The following FNDC3B variants were observed in gnomAD, a reference collection of about 807,000 sequenced individuals.
FNDC3B encodes fibronectin type III domain containing 3B.
Under a neutral mutation model 151.5 loss-of-function variants are expected in FNDC3B, and 12 were observed. The observed-to-expected ratio is 0.08, with a 90% CI of 0.05 to 0.13. The LOEUF is 0.13. Ranked by LOEUF, FNDC3B falls within the 10% of genes least tolerant of loss-of-function variation. FNDC3B has a pLI of 1.00. For missense variants in FNDC3B, 1,214 were observed against 1,505.3 expected (o/e 0.81, Z 3.20); for synonymous variants, 528 against 549.0 (o/e 0.96, Z 0.54).
chr3:172,337,023 G>A (rs1389482435), intron 15 of FNDC3B, among the ~76,000 whole-genome samples: 1 of 151,858 alleles, frequency 6.6e-6, no homozygotes, highest in African/African-American at 2.4e-5. Flanking sequence ...ATATTAAAGA[G>A]CACCTTCAAG....
At position 172,329,063 on chromosome 3, in the gene FNDC3B, G is replaced by A. The variant is rs749631576; in HGVS notation, c.1366G>A (p.Asp456Asn). The change falls in exon 12 of 26, where the codon GAC becomes AAC. Residue 456 changes from aspartate (D) to asparagine (N), a missense_variant. Around this residue, in one of 7 missense-constraint regions of FNDC3B, gnomAD observed 111 missense variants for 96.8 expected, o/e 1.15. Coordinates refer to ENST00000415807, the MANE Select transcript of FNDC3B (RefSeq NM_022763.4). Reference sequence around the variant, plus strand: ...CACATTCAGGCTGGCCGCTCGAAACGACATTGGTACCAGGTATGACGTTTC... The same window carrying A: ...CACATTCAGGCTGGCCGCTCGAAACAACATTGGTACCAGGTATGACGTTTC... Reference protein sequence around the residue: ...GYTFRLAARNDIGTSGYSQEV... With the variant: ...GYTFRLAARNNIGTSGYSQEV... 5 of 1,613,164 alleles carry A rather than the reference G, an allele frequency of 3.1e-6. No homozygotes were observed. Among genetic ancestry groups the A allele is most frequent in the African/African-American group, 1.3e-5 (1 of 74,890 alleles).
intron 11 of FNDC3B, among the ~76,000 whole-genome samples, chr3:172,323,676 A>G (rs547208818): frequency 1.3e-5 from 2 of 152,268 alleles, no homozygotes; most frequent in African/African-American, 4.8e-5. Context: ...TGCTTTTTAT[A>G]TACTCTCCAA....
intron 13 of FNDC3B, 24 bp downstream of exon 13, chr3:172,330,739 TCTC>T: frequency 6.3e-7 from 1 of 1,586,436 alleles, no homozygotes; most frequent in African/African-American, 1.3e-5. Context: ...ATTTTATACT[TCTC>T]TGTGTTTTGT....
intron 25 of FNDC3B, among the ~76,000 whole-genome samples, chr3:172,386,071 A>G (rs1735692761): frequency 6.6e-6 from 1 of 152,262 alleles, no homozygotes; most frequent in Admixed American, 6.5e-5. Flanking sequence ...TTTACTCTTC[A>G]TTAGATTGCA....
At position 172,170,163 on chromosome 3, in the gene FNDC3B, C is replaced by G. The variant is rs141575212; in HGVS notation, c.187+36617C>G. 8.3e-4 allele frequency among the ~76,000 whole-genome samples: 127 copies of G among 152,304 alleles called. 1 individual carries two copies. The highest frequency in any genetic ancestry group is 3.0e-3 in the African/African-American group (123 of 41,556). ...CTTTTATTGAAAATATAAATGTAAGCCCAGAGGGGAAAATTATTTCCTAAT... is the reference window on the plus strand; with the variant it reads ...CTTTTATTGAAAATATAAATGTAAGGCCAGAGGGGAAAATTATTTCCTAAT... On this transcript the variant is annotated intron_variant, in intron 3 of 25. Coordinates refer to ENST00000415807, the MANE Select transcript of FNDC3B (RefSeq NM_022763.4).
chr3:172,057,512 T>C (rs1462218890), intron 1 of FNDC3B, among the ~76,000 whole-genome samples: 1 of 151,986 alleles, frequency 6.6e-6, no homozygotes, highest in Non-Finnish European at 1.5e-5. Flanking sequence ...GAAGACTAGC[T>C]CCAAAAAAGT....
chr3:172,249,611 A>C (rs1560039686), intron 5 of FNDC3B, among the ~76,000 whole-genome samples: 1 of 152,228 alleles, frequency 6.6e-6, no homozygotes, highest in Non-Finnish European at 1.5e-5. Flanking sequence ...AACATGTCTG[A>C]AAAGATTATT....
chr3:172,097,845 C>T (rs1719167843), intron 1 of FNDC3B, among the ~76,000 whole-genome samples: 1 of 152,132 alleles, frequency 6.6e-6, no homozygotes, highest in South Asian at 2.1e-4. Context: ...TTTTATTTTA[C>T]AGCAGCTGCC....
intron 1 of FNDC3B, among the ~76,000 whole-genome samples, chr3:172,076,256 C>T (rs1443946060): frequency 6.6e-6 from 1 of 152,150 alleles, no homozygotes; most frequent in Non-Finnish European, 1.5e-5. Flanking sequence ...AATGTTTGTT[C>T]TATACATGTG....
chr3:172,123,012 T>A (rs2108557118), intron 2 of FNDC3B, among the ~76,000 whole-genome samples: 1 of 152,356 alleles, frequency 6.6e-6, no homozygotes, highest in Non-Finnish European at 1.5e-5. Flanking sequence ...TGACCAATTA[T>A]GTTACATGAC....
At chr3:172,337,693 T>C (rs1016674403) in intron 16 of FNDC3B, 5 of 360,930 alleles carry the variant, frequency 1.4e-5, no homozygotes, top group African/African-American at 6.6e-5. Context: ...TGGTTTGTTT[T>C]TGTTTTGTTT....
At chr3:172,171,306 C>A (rs1407744824) in intron 3 of FNDC3B, among the ~76,000 whole-genome samples, 1 of 152,200 alleles carries the variant, frequency 6.6e-6, no homozygotes, top group East Asian at 1.9e-4. Context: ...CTGAAATTAA[C>A]TGGTGTTTTA....
intron 1 of FNDC3B, among the ~76,000 whole-genome samples, chr3:172,041,004 C>G (rs1576808841): frequency 6.6e-6 from 1 of 152,312 alleles, no homozygotes; most frequent in East Asian, 1.9e-4. Context: ...GGCATTTTAT[C>G]CAGACAGTGC....
chr3:172,377,526 T>C (rs563632447), intron 23 of FNDC3B, among the ~76,000 whole-genome samples: 1 of 152,380 alleles, frequency 6.6e-6, no homozygotes, highest in African/African-American at 2.4e-5. Context: ...TTTGTTTATC[T>C]GTGTGCCTGT....
chr3:172,359,450 T>C (rs1444771323), intron 22 of FNDC3B, among the ~76,000 whole-genome samples: 1 of 152,148 alleles, frequency 6.6e-6, no homozygotes, highest in African/African-American at 2.4e-5. Context: ...GGAATGTTTG[T>C]ACCTAGAGTA....
chr3:172,300,645 C>T (rs1730860578), intron 9 of FNDC3B, among the ~76,000 whole-genome samples: 1 of 152,110 alleles, frequency 6.6e-6, no homozygotes, highest in Admixed American at 6.5e-5. Flanking sequence ...TGGGTCTAGA[C>T]TTTCTCCTGA....
intron 6 of FNDC3B, among the ~76,000 whole-genome samples, chr3:172,284,869 C>T (rs62283199): frequency 0.08 from 12,057 of 151,318 alleles, 628 homozygotes; most frequent in African/African-American, 0.14. Flanking sequence ...GATCATATCT[C>T]GCTAGCGTTT....
At chr3:172,098,369 A>G (rs1235194368) in intron 1 of FNDC3B, among the ~76,000 whole-genome samples, 2 of 152,224 alleles carry the variant, frequency 1.3e-5, no homozygotes, top group Non-Finnish European at 2.9e-5. Context: ...ACCTGTACAG[A>G]AGTCATTGTT....
At chr3:172,202,048 A>G (rs1725182972) in intron 3 of FNDC3B, among the ~76,000 whole-genome samples, 1 of 152,218 alleles carries the variant, frequency 6.6e-6, no homozygotes, top group Admixed American at 6.5e-5. Context: ...CTTCACAAAT[A>G]AACCCTTGAG....
Sources: gnomAD v4.1 joint callset for allele counts (sites outside exome capture counted in the v4.1 genomes callset) on GRCh38, gnomAD v4.1.1 for gene constraint, gnomAD v4.1.1 regional missense constraint, MANE v1.5 for transcripts, NCBI Gene and HGNC (gene_info 2026-07-23, HGNC 2026-07-21) for gene names.